CCDC106: variants seen among roughly 807,000 people sequenced by gnomAD.
CCDC106 encodes the protein coiled-coil domain containing 106.
A neutral mutation model predicts 24.7 loss-of-function variants in CCDC106; 17 were observed. The ratio of observed to expected loss-of-function variants is 0.69; its 90% CI spans 0.47 to 1.03. The LOEUF (loss-of-function observed/expected upper bound fraction) is 1.03. CCDC106 is among the 50% of genes least tolerant of loss of function. The probability of loss-of-function intolerance (pLI) is 0.00; values close to 1 mark genes in which losing one functional copy is unlikely to be tolerated. For missense variants in CCDC106, 337 were observed against 388.9 expected, an observed-to-expected ratio of 0.87 and a Z score of 1.12; for synonymous variants, 211 against 161.3, an observed-to-expected ratio of 1.31 and a Z score of -2.34.
At chr19:55,650,436 C>T (rs532505526) in intron 3 of CCDC106, among the ~76,000 whole-genome samples, 28 of 152,054 alleles carry the variant, frequency 1.8e-4, no homozygotes, top group African/African-American at 6.5e-4. Flanking sequence ...GCCTGGAGAA[C>T]CCACACTCTA....
chr19:55,648,678 G>A lies in CCDC106; in HGVS notation c.-369G>A. 1 of 353,878 alleles carries A rather than the reference G, an allele frequency of 2.8e-6. No homozygotes were observed. The highest frequency in any genetic ancestry group is 5.2e-6 in the Non-Finnish European group (1 of 191,952). The allele number at this position is 353,878 out of a possible 1,614,324, so 21.9% of individuals were successfully genotyped here. On this transcript the variant is annotated 5_prime_UTR_variant, in exon 1 of 5. Coordinates refer to ENST00000586790, the MANE Select transcript of CCDC106 (RefSeq NM_001370470.1). ...GATGAGAGAGGGTCCTTCCCCTTCA[G>A]GCTAGGTGTCCCTGGTCAGGCGACC...
At position 55,652,602 on chromosome 19, in the gene CCDC106, G is replaced by C. The variant is rs1406595457; in HGVS notation, c.699G>C (p.Val233=). ...TGGCCCCCGAGAAGCTGGCCGAGGT[G>C]GGCGAGTTCGACCCCTCCAAGGAGC... ...LIVAPEKLAE[V]GEFDPSKERL... The change falls in exon 5 of 5, where the codon GTG becomes GTC. Residue 233 remains valine, a synonymous_variant. Coordinates refer to ENST00000586790, the MANE Select transcript of CCDC106 (RefSeq NM_001370470.1). The surrounding 1 kb of genome is among the most constrained non-coding windows in gnomAD (Gnocchi z 5.9). The C allele has an allele frequency of 1.2e-6, 2 of 1,613,182 alleles. No homozygotes were observed. Among genetic ancestry groups the C allele is most frequent in the Non-Finnish European group, 1.7e-6 (2 of 1,179,908 alleles).
rs1174751904 is a variant in CCDC106 at position 55,652,940 on chromosome 19, C to T, written c.*194C>T. 6.9e-6 allele frequency: 4 copies of T among 577,092 alleles called. No individual in the cohort carries two copies. In the Admixed American group the frequency reaches 9.4e-5, roughly 14 times the overall value. The allele number at this position is 577,092 out of a possible 1,614,324, so 35.7% of individuals were successfully genotyped here. On this transcript the variant is annotated 3_prime_UTR_variant, in exon 5 of 5. Coordinates refer to ENST00000586790, the MANE Select transcript of CCDC106 (RefSeq NM_001370470.1). The surrounding 1 kb of genome is among the most constrained non-coding windows in gnomAD (Gnocchi z 5.9). Reference sequence around the variant, plus strand: ...TCCCGAACGCCGGCACCCCCTTCCGCTTGGGCTGCCCAGCCCTGTCCTCGC... The same window carrying T: ...TCCCGAACGCCGGCACCCCCTTCCGTTTGGGCTGCCCAGCCCTGTCCTCGC...
At position 55,652,847 on chromosome 19, in the gene CCDC106, C is replaced by A; in HGVS notation, c.*101C>A. ...GCCGCGCCCCTGCCCCTCCTCCTCG[C>A]TCCCTGGGTTGGGGGCTCCCTTAGC... On this transcript the variant is annotated 3_prime_UTR_variant, in exon 5 of 5. Coordinates refer to ENST00000586790, the MANE Select transcript of CCDC106 (RefSeq NM_001370470.1). This position sits in a 1 kb window ranked among gnomAD's most constrained non-coding sequence, Gnocchi z 5.9. 1 of 1,061,858 alleles carries A rather than the reference C, an allele frequency of 9.4e-7. No individual in the cohort carries two copies. The highest frequency in any genetic ancestry group is 1.3e-6 in the Non-Finnish European group (1 of 745,814). The allele number at this position is 1,061,858 out of a possible 1,614,324, so 65.8% of individuals were successfully genotyped here. A position where few individuals can be genotyped will look rare whatever the true frequency, so the allele number is the denominator to read the frequency against.
upstream of CCDC106, chr19:55,648,064 T>G (rs1982973207): frequency 6.6e-6 from 1 of 152,228 alleles, no homozygotes; most frequent in Non-Finnish European, 1.5e-5. Context: ...ACCCGGGGAC[T>G]CTTCAACGAG....
chr19:55,651,142 C>G, intron 3 of CCDC106, 141 bp from the exon 4 acceptor site: 1 of 694,262 alleles, frequency 1.4e-6, no homozygotes, highest in Non-Finnish European at 2.6e-6. Context: ...GCGTCTCTAC[C>G]GTACTCCTTG....
In CCDC106 at chr19:55,652,514, A is replaced by C; in HGVS notation, c.611A>C (p.Glu204Ala). The C allele has an allele frequency of 6.2e-7, 1 of 1,612,916 alleles. No homozygotes were observed. Residue 204 changes from glutamate to alanine, a missense_variant, in exon 5 of 5, where the codon GAG becomes GCG. Glu to Ala is a moderately radical substitution (Grantham distance 107). Transcript: ENST00000586790. The surrounding 1 kb of genome is among the most constrained non-coding windows in gnomAD (Gnocchi z 5.9). Reference sequence around the variant, plus strand: ...CTCAAGAGCATGTCGCGGGCCTTCGAGCACCACCGCGTGGACAGGAACACC... The same window carrying C: ...CTCAAGAGCATGTCGCGGGCCTTCGCGCACCACCGCGTGGACAGGAACACC... ...QKLKSMSRAF[E>A]HHRVDRNTVA...
rs1448889743 is a variant in CCDC106, at chr19:55,651,508, C to T, written c.526+13C>T. 6.5e-6 allele frequency: 10 copies of T among 1,536,500 alleles called. No individual in the cohort carries two copies. Among genetic ancestry groups the T allele is most frequent in the Non-Finnish European group, 8.8e-6 (10 of 1,138,552 alleles). On this transcript the variant is annotated intron_variant, in intron 4 of 4. Transcript: ENST00000586790. ...GAGAGGCAGCGAGGTGAGTGGGGTG[C>T]ATGGGGCGGGCGCTGAGGGGCCCGG...
rs550583555 is a variant in CCDC106, at chr19:55,649,191, C to T, written c.32-14C>T. 1.5e-5 allele frequency: 24 copies of T among 1,611,656 alleles called. No homozygotes were observed. In the South Asian group the frequency reaches 2.2e-4, roughly 15 times the overall value. On this transcript the variant is annotated splice_polypyrimidine_tract_variant and intron_variant, in intron 1 of 4. Transcript: ENST00000586790. ...GGGAATTCTCTGGGGTAACCCGGGGCCTCTCCTCTCCAGTGAAGGACGATG... is the reference window on the plus strand; with the variant it reads ...GGGAATTCTCTGGGGTAACCCGGGGTCTCTCCTCTCCAGTGAAGGACGATG...
Position 55,649,034 on chromosome 19 carries a change from A to G in CCDC106, c.-13A>G. The G allele has an allele frequency of 3.7e-6, 6 of 1,612,872 alleles. No homozygotes were observed. Among genetic ancestry groups the G allele is most frequent in the East Asian group, 2.2e-5 (1 of 44,864 alleles). On this transcript the variant is annotated 5_prime_UTR_variant, in exon 1 of 5. Transcript: ENST00000586790. ...GAGGCCCTCGGCTGCTGGGGTCCGT[A>G]GGAAGCCGCGCCATGAATGACCGGA...
Position 55,652,437 on chromosome 19 carries a change from C to T in CCDC106, c.534C>T (p.Asp178=), listed in dbSNP as rs141678335. Residue 178 remains aspartate (D), a synonymous_variant, in exon 5 of 5, where the codon GAC becomes GAT. Transcript: ENST00000586790. The surrounding 1 kb of genome is among the most constrained non-coding windows in gnomAD (Gnocchi z 5.9). ...PKARERQRVK[D]ADGVLCRYKK... ...CCCGCCTCCACCCCTCAGTGAAGGA[C>T]GCCGACGGGGTCCTCTGCCGGTACA... The T allele has an allele frequency of 9.0e-4, 1,431 of 1,597,640 alleles. 21 individuals are homozygous for T. In the African/African-American group the frequency reaches 0.017, roughly 19 times the overall value.
At chr19:55,649,670 C>T (rs1379473819) in intron 3 of CCDC106, 86 bp downstream of exon 3, 1 of 1,358,072 alleles carries the variant, frequency 7.4e-7, no homozygotes, top group Non-Finnish European at 1.0e-6. Flanking sequence ...CACTGTTTGG[C>T]TGGCTGGGTG....
At chr19:55,651,209 A>C in intron 3 of CCDC106, 74 bp from the exon 4 acceptor site, 1 of 1,161,002 alleles carries the variant, frequency 8.6e-7, no homozygotes, top group South Asian at 1.2e-5. Flanking sequence ...CGGGGACTGC[A>C]GCCTCTCTCA....
intron 3 of CCDC106, 135 bp downstream of exon 3, chr19:55,649,719 T>C (rs1600056454): frequency 2.5e-6 from 2 of 796,866 alleles, no homozygotes; most frequent in Non-Finnish European, 3.9e-6. Flanking sequence ...GTCCCCTGCC[T>C]GTTTTGGGCC....
At position 55,649,269 on chromosome 19, in the gene CCDC106, G is replaced by A. The variant is rs751204132; in HGVS notation, c.96G>A (p.Gln32=). The A allele has an allele frequency of 6.2e-7, 1 of 1,614,162 alleles. No individual in the cohort carries two copies. Among genetic ancestry groups the A allele is most frequent in the South Asian group, 1.1e-5 (1 of 91,072 alleles). The change falls in exon 2 of 5, where the codon CAG becomes CAA. Residue 32 remains glutamine (Q), a synonymous_variant. Coordinates refer to ENST00000586790, the MANE Select transcript of CCDC106 (RefSeq NM_001370470.1). ...ATGAGGCACCCCACCTAGACCCACA[G>A]ATCTTTTACAGTCTGAGCCCCTCTC... ...PFDEAPHLDP[Q]IFYSLSPSRR...
rs1215366627 is a variant in CCDC106, at chr19:55,651,295, G to C, written c.326G>C (p.Arg109Pro). The C allele has an allele frequency of 6.2e-7, 1 of 1,612,932 alleles. No homozygotes were observed. Among genetic ancestry groups the C allele is most frequent in the Non-Finnish European group, 8.5e-7 (1 of 1,179,338 alleles). ...SARMEAEDHC[R>P]MKPGPRRMEG... ...TCCATCTCCCCAGAGGACCACTGCC[G>C]GATGAAGCCTGGGCCCAGGCGGATG... Residue 109 changes from arginine (R) to proline (P), a missense_variant, in exon 4 of 5, where the codon CGG becomes CCG. By Grantham distance (103) the Arg-to-Pro change is moderately radical. Around this residue, in one of 2 missense-constraint regions of CCDC106, gnomAD observed 234 missense variants for 236.5 expected, o/e 0.99. Coordinates refer to ENST00000586790, the MANE Select transcript of CCDC106 (RefSeq NM_001370470.1).
rs1014860044 is a variant in CCDC106 at position 55,652,295 on chromosome 19, T to G, written c.527-135T>G. The G allele has an allele frequency of 5.8e-5, 41 of 702,862 alleles. No homozygotes were observed. The highest frequency in any genetic ancestry group is 7.6e-5 in the Non-Finnish European group (32 of 419,524). The allele number at this position is 702,862 out of a possible 1,614,324, so 43.5% of individuals were successfully genotyped here. A position where few individuals can be genotyped will look rare whatever the true frequency, so the allele number is the denominator to read the frequency against. On this transcript the variant is annotated intron_variant, in intron 4 of 4. Transcript: ENST00000586790. The surrounding 1 kb of genome is among the most constrained non-coding windows in gnomAD (Gnocchi z 5.9). ...TCTGCCCCTTCCTTGCCTGTTGTTC[T>G]CCGTCTCCACCTGCACCGGCCCGTG...
chr19:55,650,776 C>T (rs538135942), intron 3 of CCDC106, among the ~76,000 whole-genome samples: 23 of 152,330 alleles, frequency 1.5e-4, no homozygotes, highest in Admixed American at 6.5e-4. Flanking sequence ...CAGAGCCCTC[C>T]CCTAACCCGC....
chr19:55,651,735 C>T (rs1255018871), intron 4 of CCDC106, among the ~76,000 whole-genome samples: 2 of 152,012 alleles, frequency 1.3e-5, no homozygotes, highest in African/African-American at 2.4e-5. Context: ...ATTCTCACCT[C>T]ACTGGAATCT....
Sources: gnomAD v4.1 joint callset for allele counts (sites outside exome capture counted in the v4.1 genomes callset) on GRCh38, gnomAD v4.1.1 for gene constraint, gnomAD v4.1.1 regional missense constraint, Gnocchi (gnomAD v3.1) non-coding constraint, MANE v1.5 for transcripts, NCBI Gene and HGNC (gene_info 2026-07-23, HGNC 2026-07-21) for gene names.